SLC36A1: variants seen among roughly 807,000 people sequenced by gnomAD.
The protein encoded by SLC36A1 is solute carrier family 36 member 1, also known as proton-coupled amino acid transporter 1.
Under a neutral mutation model 47.5 loss-of-function variants are expected in SLC36A1, and 30 were observed. That is an observed-to-expected ratio of 0.63 (90% CI 0.47 to 0.86). The LOEUF is 0.86. SLC36A1 is among the 40% of genes least tolerant of loss of function. The pLI is 0.00. For missense variants in SLC36A1, 517 were observed against 606.0 expected (o/e 0.85, Z 1.54); for synonymous variants, 255 against 249.7 (o/e 1.02, Z -0.20).
the SLC36A1 span, among the ~76,000 whole-genome samples, chr5:151,374,381 G>A: frequency 4.1e-3 from 619 of 152,228 alleles, 4 homozygotes; most frequent in African/African-American, 0.012. Context: ...CTGTTGGTGC[G>A]CTCTTGGGGT....
At chr5:151,392,638 T>C in the SLC36A1 span, among the ~76,000 whole-genome samples, 1 of 152,250 alleles carries the variant, frequency 6.6e-6, no homozygotes, top group African/African-American at 2.4e-5. Flanking sequence ...CATGTTTATT[T>C]CTGCCTTCAT....
chr5:151,534,975 A>ATATATATATATATG, the SLC36A1 span, among the ~76,000 whole-genome samples: 1 of 87,730 alleles, frequency 1.1e-5, no homozygotes, highest in Admixed American at 1.5e-4. Context: ...AGGAAAATAT[A>ATATATATATATATG]TATATATATA....
At chr5:151,475,945 G>C (rs1757993483) in intron 8 of SLC36A1, among the ~76,000 whole-genome samples, 1 of 152,196 alleles carries the variant, frequency 6.6e-6, no homozygotes, top group African/African-American at 2.4e-5. Flanking sequence ...CCTTTCCTTT[G>C]CTTTTACCAA....
rs1434172567 is a variant in SLC36A1 at position 151,467,931 on chromosome 5, T to C, written c.723+6T>C. The C allele has an allele frequency of 1.9e-6, 3 of 1,611,598 alleles. No individual in the cohort carries two copies. Among genetic ancestry groups the C allele is most frequent in the East Asian group, 4.5e-5 (2 of 44,788 alleles). Reference sequence around the variant, plus strand: ...TCTACCAGTTCATTGTTCAGGTACATGCCTAGGCCCTCTCCTATCATCTTG... The same window carrying C: ...TCTACCAGTTCATTGTTCAGGTACACGCCTAGGCCCTCTCCTATCATCTTG... On this transcript the variant is annotated splice_donor_region_variant and intron_variant, in intron 7 of 10. Transcript: ENST00000243389.
chr5:151,389,615 G>GTTC, the SLC36A1 span, among the ~76,000 whole-genome samples: 70,913 of 142,556 alleles, frequency 0.5, 19,296 homozygotes, highest in African/African-American at 0.75. Flanking sequence ...GTGTCCAAGT[G>GTTC]TTCTTATTGT....
chr5:151,447,140 A>C (rs1161413607), upstream of SLC36A1, among the ~76,000 whole-genome samples: 5 of 152,362 alleles, frequency 3.3e-5, no homozygotes, highest in East Asian at 7.7e-4. Context: ...GTTGCCATCC[A>C]TTTAAAAATG....
At chr5:151,547,978 T>G in the SLC36A1 span, among the ~76,000 whole-genome samples, 1 of 152,220 alleles carries the variant, frequency 6.6e-6, no homozygotes. Context: ...TTAAAACTAA[T>G]CTAATCTGGA....
At chr5:151,514,190 G>A in the SLC36A1 span, among the ~76,000 whole-genome samples, 1 of 152,262 alleles carries the variant, frequency 6.6e-6, no homozygotes, top group Non-Finnish European at 1.5e-5. Context: ...ACTATTATTA[G>A]GGTAAATAGA....
chr5:151,435,307 A>T (rs1488151556), upstream of SLC36A1, among the ~76,000 whole-genome samples: 1 of 152,220 alleles, frequency 6.6e-6, no homozygotes, highest in Non-Finnish European at 1.5e-5. Context: ...TCACCTCAAT[A>T]TGCTGAGAGG....
the SLC36A1 span, among the ~76,000 whole-genome samples, chr5:151,500,868 G>A: frequency 6.6e-6 from 1 of 152,188 alleles, no homozygotes; most frequent in Non-Finnish European, 1.5e-5. Flanking sequence ...AGGCCTCCCC[G>A]CAGGCCCAGT....
In SLC36A1 at chr5:151,491,935, C is replaced by G. The variant is rs6868032; in HGVS notation, c.*3681C>G. ...CGGCTGGTTGCAGGGCTATTTGCCCCGACAGCATCAGCCTGTAACATTTCT... is the reference window on the plus strand; with the variant it reads ...CGGCTGGTTGCAGGGCTATTTGCCCGGACAGCATCAGCCTGTAACATTTCT... On this transcript the variant is annotated 3_prime_UTR_variant, in exon 11 of 11. Transcript: ENST00000243389. The G allele has an allele frequency of 6.6e-6, 1 of 152,238 alleles. No individual in the cohort carries two copies. Among genetic ancestry groups the G allele is most frequent in the Admixed American group, 6.5e-5 (1 of 15,290 alleles). The allele number at this position is 152,238 out of a possible 1,614,324, so 9.4% of individuals were successfully genotyped here. A position where few individuals can be genotyped will look rare whatever the true frequency, so the allele number is the denominator to read the frequency against.
At chr5:151,547,046 A>G in the SLC36A1 span, among the ~76,000 whole-genome samples, 1 of 152,186 alleles carries the variant, frequency 6.6e-6, no homozygotes, top group East Asian at 1.9e-4. Context: ...ATGTTACACT[A>G]TTATTTAATT....
chr5:151,373,972 G>A, the SLC36A1 span, among the ~76,000 whole-genome samples: 1 of 152,124 alleles, frequency 6.6e-6, no homozygotes, highest in African/African-American at 2.4e-5. Flanking sequence ...TGGCCTATGG[G>A]CTGGTGTGTA....
chr5:151,544,434 C>G, the SLC36A1 span: 1 of 1,614,116 alleles, frequency 6.2e-7, no homozygotes, highest in Non-Finnish European at 8.5e-7. Context: ...ACTCATAGTC[C>G]AAAGGCCCTG....
At chr5:151,555,496 G>T in the SLC36A1 span, among the ~76,000 whole-genome samples, 20 of 147,772 alleles carry the variant, frequency 1.4e-4, no homozygotes, top group African/African-American at 4.8e-4. Context: ...CAGCCTCCCC[G>T]GTAGCTGGGA....
At chr5:151,369,678 C>T in the SLC36A1 span, among the ~76,000 whole-genome samples, 3 of 152,202 alleles carry the variant, frequency 2.0e-5, no homozygotes, top group Non-Finnish European at 2.9e-5. Context: ...TACAGGGTCT[C>T]GCTATATTGC....
At chr5:151,555,346 C>A in the SLC36A1 span, among the ~76,000 whole-genome samples, 1 of 149,346 alleles carries the variant, frequency 6.7e-6, no homozygotes, top group Non-Finnish European at 1.5e-5. Context: ...CATTTAGCTA[C>A]TTCTTACTAA....
chr5:151,447,835 G>A (rs1388704871), intron 1 of SLC36A1, 22 bp downstream of exon 1: 1 of 152,296 alleles, frequency 6.6e-6, no homozygotes, highest in Non-Finnish European at 1.5e-5. Flanking sequence ...GATCCGCCCG[G>A]GCTGTGGGTC....
At chr5:151,547,424 G>A in the SLC36A1 span, among the ~76,000 whole-genome samples, 1,025 of 152,254 alleles carry the variant, frequency 6.7e-3, 10 homozygotes, top group African/African-American at 0.022. Flanking sequence ...AGTAATACTT[G>A]AATTGTTTTG....
Sources: allele counts gnomAD v4.1 joint callset (sites outside exome capture counted in the v4.1 genomes callset), GRCh38; gene constraint gnomAD v4.1.1; transcripts MANE v1.5; gene names NCBI Gene and HGNC (gene_info 2026-07-23, HGNC 2026-07-21).